The following CREB5 variants were observed in gnomAD, a reference collection of about 807,000 sequenced individuals.
CREB5 encodes cAMP responsive element binding protein 5, also known as cyclic AMP-responsive element-binding protein 5.
In CREB5, 19 loss-of-function variants were observed where a neutral mutation model predicts 57.1. That is an observed-to-expected ratio of 0.33 (90% CI 0.23 to 0.49). The LOEUF (loss-of-function observed/expected upper bound fraction) is 0.49, where lower values mean the gene tolerates loss of function less well. Ranked by LOEUF, CREB5 falls within the 20% of genes least tolerant of loss-of-function variation. CREB5 has a pLI of 0.99. For synonymous variants in CREB5, 238 were observed against 238.3 expected, an observed-to-expected ratio of 1.00 and a Z score of 0.01; for missense variants, 579 against 671.6, an observed-to-expected ratio of 0.86 and a Z score of 1.52.
chr7:28,505,377 G>A (rs1387327782), intron 3 of CREB5, among the ~76,000 whole-genome samples: 1 of 152,050 alleles, frequency 6.6e-6, no homozygotes, highest in East Asian at 1.9e-4. Flanking sequence ...GTTCCCATTT[G>A]ACTGTCCTTT....
At chr7:28,697,662 G>T (rs1260858450) in intron 5 of CREB5, among the ~76,000 whole-genome samples, 1 of 152,148 alleles carries the variant, frequency 6.6e-6, no homozygotes, top group Admixed American at 6.5e-5. Flanking sequence ...TGGATTCTGA[G>T]CTAGGAATCG....
At chr7:28,560,937 C>CGTGT (rs368310579) in intron 4 of CREB5, among the ~76,000 whole-genome samples, 3 of 35,544 alleles carry the variant, frequency 8.4e-5, no homozygotes, top group African/African-American at 2.2e-4. Context: ...TGCGTGTGTG[C>CGTGT]GTGCGTGTGT....
intron 1 of CREB5, among the ~76,000 whole-genome samples, chr7:28,327,687 TC>T (rs1275448381): frequency 1.3e-5 from 2 of 152,204 alleles, no homozygotes; most frequent in Non-Finnish European, 2.9e-5. Context: ...TGGCCGCACT[TC>T]CTGCTGAACA....
intron 7 of CREB5, among the ~76,000 whole-genome samples, chr7:28,744,696 T>C (rs965487931): frequency 2.6e-5 from 4 of 152,162 alleles, no homozygotes; most frequent in African/African-American, 4.8e-5. Context: ...AGTCACATAC[T>C]GAGGTCCCGG....
intron 5 of CREB5, among the ~76,000 whole-genome samples, chr7:28,694,319 C>T (rs1801424746): frequency 6.6e-6 from 1 of 152,156 alleles, no homozygotes; most frequent in Non-Finnish European, 1.5e-5. Context: ...GTTTTGCTCT[C>T]ACCAGCATCC....
In CREB5 at chr7:28,819,383, T is replaced by TCTG; in HGVS notation, c.*104_*105insCTG. 8.9e-7 allele frequency: 1 copy of TCTG among 1,121,598 alleles called. No homozygotes were observed. 69.5% of individuals were successfully genotyped at this position (1,121,598 alleles called of 1,614,324 possible). On this transcript the variant is annotated 3_prime_UTR_variant, in exon 11 of 11. Coordinates refer to ENST00000357727, the MANE Select transcript of CREB5 (RefSeq NM_182898.4). ...AACTCAGACCTGGAAGACTCCTCAGTTCTTCAAAGACTGGCTTTCATTTTT... is the reference window on the plus strand; with the variant it reads ...AACTCAGACCTGGAAGACTCCTCAGTCTGTCTTCAAAGACTGGCTTTCATTTTT...
chr7:28,398,195 A>G (rs1465241947), intron 1 of CREB5, among the ~76,000 whole-genome samples: 1 of 152,142 alleles, frequency 6.6e-6, no homozygotes, highest in Non-Finnish European at 1.5e-5. Flanking sequence ...CTTTAATGGT[A>G]CCACCATTTT....
At chr7:28,531,340 T>G (rs2128622002) in intron 4 of CREB5, among the ~76,000 whole-genome samples, 1 of 152,296 alleles carries the variant, frequency 6.6e-6, no homozygotes, top group Non-Finnish European at 1.5e-5. Context: ...AAGGAGGCAC[T>G]GCTCCAAGCC....
chr7:28,486,563 G>A (rs919435960), intron 1 of CREB5, among the ~76,000 whole-genome samples: 13 of 149,826 alleles, frequency 8.7e-5, no homozygotes, highest in African/African-American at 2.2e-4. Flanking sequence ...TAGCAGCAAC[G>A]TACAAATCGA....
At chr7:28,543,597 A>AT (rs1794298887) in intron 4 of CREB5, among the ~76,000 whole-genome samples, 1 of 151,702 alleles carries the variant, frequency 6.6e-6, no homozygotes, top group African/African-American at 2.4e-5. Flanking sequence ...AAAAAAAAAA[A>AT]AAAAGTGTGA....
chr7:28,497,708 C>A (rs1461326180), intron 3 of CREB5, among the ~76,000 whole-genome samples: 1 of 152,122 alleles, frequency 6.6e-6, no homozygotes, highest in African/African-American at 2.4e-5. Flanking sequence ...GTGTAATATA[C>A]CAACATTGTC....
In CREB5 at chr7:28,521,556, A is replaced by G. The variant is rs796676771; in HGVS notation, c.291+13819A>G. Among the ~76,000 whole-genome samples, 10 of 152,336 alleles carry G rather than the reference A, an allele frequency of 6.6e-5. 1 individual carries two copies. The highest frequency in any genetic ancestry group is 2.4e-4 in the African/African-American group (10 of 41,568). The stretch of plus-strand genomic sequence containing the variant: ...CCCTGCTCTTTTTATTATCTTGCCA[A>G]AATTCAAACAGTAATAATTGCATGA... On this transcript the variant is annotated intron_variant, in intron 4 of 10. Transcript: ENST00000357727.
At chr7:28,613,209 C>G (rs551799037) in intron 5 of CREB5, among the ~76,000 whole-genome samples, 1 of 152,184 alleles carries the variant, frequency 6.6e-6, no homozygotes, top group East Asian at 1.9e-4. Flanking sequence ...GGCCAAACAA[C>G]TAAAAATATA....
At chr7:28,476,257 A>G (rs1351708740) in intron 1 of CREB5, among the ~76,000 whole-genome samples, 1 of 152,252 alleles carries the variant, frequency 6.6e-6, no homozygotes, top group East Asian at 1.9e-4. Context: ...TCAGAGAATC[A>G]TCAAGTCAGG....
At chr7:28,774,207 C>T (rs1806497273) in intron 7 of CREB5, among the ~76,000 whole-genome samples, 1 of 152,174 alleles carries the variant, frequency 6.6e-6, no homozygotes, top group Non-Finnish European at 1.5e-5. Flanking sequence ...AAGTTGCTTT[C>T]ACATTTCCAG....
chr7:28,663,221 T>C (rs1583501009), intron 5 of CREB5, among the ~76,000 whole-genome samples: 1 of 152,114 alleles, frequency 6.6e-6, no homozygotes, highest in East Asian at 2.0e-4. Flanking sequence ...TTTATTTTTC[T>C]TGAGACAGGG....
At chr7:28,324,195 C>T (rs931902864) in intron 1 of CREB5, among the ~76,000 whole-genome samples, 7 of 152,174 alleles carry the variant, frequency 4.6e-5, no homozygotes, top group African/African-American at 1.7e-4. Flanking sequence ...GTTTAAAGAA[C>T]ATAATATAAA....
intron 1 of CREB5, among the ~76,000 whole-genome samples, chr7:28,379,488 A>G (rs1015001981): frequency 2.0e-5 from 3 of 152,220 alleles, no homozygotes; most frequent in Non-Finnish European, 4.4e-5. Flanking sequence ...GTTCTCTTCT[A>G]TCAGATAAAG....
chr7:28,560,857 T>TGTGC (rs1562797210), intron 4 of CREB5, among the ~76,000 whole-genome samples: 55 of 51,028 alleles, frequency 1.1e-3, no homozygotes, highest in African/African-American at 2.7e-3. Context: ...CGTGTGTGTG[T>TGTGC]GCGTGTGCCT....
Sources: allele counts gnomAD v4.1 joint callset (sites outside exome capture counted in the v4.1 genomes callset), GRCh38; gene constraint gnomAD v4.1.1; transcripts MANE v1.5; gene names NCBI Gene and HGNC (gene_info 2026-07-23, HGNC 2026-07-21).